NEU3: variants seen among roughly 807,000 people sequenced by gnomAD.
NEU3 encodes the protein sialidase-3.
A neutral mutation model predicts 11.4 loss-of-function variants in NEU3; 10 were observed. The observed-to-expected ratio is 0.88, with a 90% CI of 0.54 to 1.49. The LOEUF (loss-of-function observed/expected upper bound fraction) is 1.49, where lower values mean the gene tolerates loss of function less well. Among genes scored for constraint, NEU3 ranks in the 40% most tolerant of loss-of-function variants. NEU3 has a pLI of 0.00. For synonymous variants in NEU3, 212 were observed against 228.2 expected, an observed-to-expected ratio of 0.93 and a Z score of 0.64; for missense variants, 529 against 581.8, an observed-to-expected ratio of 0.91 and a Z score of 0.93.
intron 3 of NEU3, among the ~76,000 whole-genome samples, chr11:75,018,176 T>A (rs995201695): frequency 7.9e-5 from 12 of 151,960 alleles, no homozygotes; most frequent in African/African-American, 2.9e-4. Flanking sequence ...AACTCTCACC[T>A]CTTAGCTTAT....
rs111517032 is a variant in NEU3 at position 75,001,920 on chromosome 11, TC to T, written c.307-3490del. Among the ~76,000 whole-genome samples the T allele has an allele frequency of 4.6e-3, 702 of 152,346 alleles. 2 individuals are homozygous for T. Among genetic ancestry groups the T allele is most frequent in the Non-Finnish European group, 6.7e-3 (455 of 68,036 alleles). ...GGGCACTCAGGTATAGAATGGGCTG[TC>T]CCAGAGATCTTGAATTCCCTGTTGA... is the stretch of plus-strand genomic sequence containing the variant. On this transcript the variant is annotated intron_variant, in intron 2 of 2. Coordinates refer to ENST00000294064, the MANE Select transcript of NEU3 (RefSeq NM_006656.6).
In NEU3 at chr11:75,005,487, G is replaced by A. The variant is rs539550282; in HGVS notation, c.381G>A (p.Glu127=). Reference sequence around the variant, plus strand: ...CCATGAACCCCTGTCCTGTATGGGAGCAGAAGAGTGGTTGTGTGTTCCTGT... The same window carrying A: ...CCATGAACCCCTGTCCTGTATGGGAACAGAAGAGTGGTTGTGTGTTCCTGT... ...HRTMNPCPVW[E]QKSGCVFLFF... Residue 127 remains glutamate, a synonymous_variant, in exon 3 of 3, where the codon GAG becomes GAA. Transcript: ENST00000294064. 19 of 1,613,930 alleles carry A rather than the reference G, an allele frequency of 1.2e-5. No individual in the cohort carries two copies. In the South Asian group the frequency reaches 2.0e-4, roughly 17 times the overall value.
intron 2 of NEU3, among the ~76,000 whole-genome samples, chr11:74,995,495 A>G (rs1205895697): frequency 2.0e-5 from 3 of 152,160 alleles, no homozygotes; most frequent in African/African-American, 7.2e-5. Context: ...CATACGTCGG[A>G]GATATTGTGG....
At chr11:74,986,022 A>G (rs185117713), upstream of NEU3, among the ~76,000 whole-genome samples, 27 of 152,256 alleles carry the variant, frequency 1.8e-4, no homozygotes, top group East Asian at 5.0e-3. Flanking sequence ...AAAAACACCA[A>G]CCTTGCAAGC....
At chr11:74,987,347 C>A (rs546243057), upstream of NEU3, among the ~76,000 whole-genome samples, 23 of 152,256 alleles carry the variant, frequency 1.5e-4, no homozygotes, top group Middle Eastern at 3.4e-3. Flanking sequence ...CCAGTGGAAT[C>A]ACCTTCAAAT....
downstream of NEU3, among the ~76,000 whole-genome samples, chr11:75,011,607 T>A (rs1458557751): frequency 6.6e-6 from 1 of 152,166 alleles, no homozygotes; most frequent in East Asian, 1.9e-4. Flanking sequence ...CTGATAAGGG[T>A]TGAGAGGCGG....
chr11:75,005,617 T>C lies in NEU3; in HGVS notation c.511T>C (p.Trp171Arg). 3.1e-6 allele frequency: 5 copies of C among 1,613,990 alleles called. No homozygotes were observed. The highest frequency in any genetic ancestry group is 4.2e-6 in the Non-Finnish European group (5 of 1,179,884). Residue 171 changes from tryptophan to arginine, a missense_variant, in exon 3 of 3, where the codon TGG becomes CGG. Coordinates refer to ENST00000294064, the MANE Select transcript of NEU3 (RefSeq NM_006656.6). The part of the protein sequence containing the change: ...FIYSQDAGCS[W>R]SEVRDLTEEV... Reference sequence around the variant, plus strand: ...CTACAGTCAGGATGCTGGATGTTCATGGAGTGAGGTGAGGGACTTGACTGA... The same window carrying C: ...CTACAGTCAGGATGCTGGATGTTCACGGAGTGAGGTGAGGGACTTGACTGA...
chr11:75,017,076 T>C (rs1565500816), intron 3 of NEU3, among the ~76,000 whole-genome samples: 1 of 152,208 alleles, frequency 6.6e-6, no homozygotes, highest in African/African-American at 2.4e-5. Flanking sequence ...GAAAGATAAA[T>C]CTTGAGGCCA....
downstream of NEU3, among the ~76,000 whole-genome samples, chr11:75,019,294 G>A (rs562838667): frequency 6.6e-6 from 1 of 152,372 alleles, no homozygotes; most frequent in East Asian, 1.9e-4. Context: ...TGGGGAAAAT[G>A]TCTCCAGGGC....
At chr11:74,992,688 G>A (rs1403424756) in intron 1 of NEU3, among the ~76,000 whole-genome samples, 1 of 152,134 alleles carries the variant, frequency 6.6e-6, no homozygotes, top group Non-Finnish European at 1.5e-5. Context: ...GGCCGGGCAC[G>A]GTGGCTCATG....
At chr11:74,982,731 C>T in the NEU3 span, among the ~76,000 whole-genome samples, 1 of 152,034 alleles carries the variant, frequency 6.6e-6, no homozygotes, top group Non-Finnish European at 1.5e-5. Flanking sequence ...TCTACAATAG[C>T]ATGCAGGAGA....
chr11:74,989,199 A>G (rs1948704278), intron 1 of NEU3, 45 bp downstream of exon 1: 2 of 1,461,676 alleles, frequency 1.4e-6, no homozygotes, highest in Non-Finnish European at 9.4e-7. Context: ...GGAGGACTCA[A>G]CTGTGGGGAC....
chr11:74,992,210 CTGGTGCCTTGATCTGGA>C (rs1948739812), intron 1 of NEU3, among the ~76,000 whole-genome samples: 1 of 152,216 alleles, frequency 6.6e-6, no homozygotes, highest in Admixed American at 6.5e-5. Flanking sequence ...AAATCCTTCT[CTGGTGCCTTGATCTGGA>C]TAGATGCCAC....
intron 3 of NEU3, among the ~76,000 whole-genome samples, chr11:75,016,934 A>C (rs2140260261): frequency 6.6e-6 from 1 of 152,332 alleles, no homozygotes; most frequent in South Asian, 2.1e-4. Flanking sequence ...CTAGCCTGGC[A>C]TCTGCTGTGT....
intron 2 of NEU3, among the ~76,000 whole-genome samples, chr11:75,001,207 A>G (rs1416272918): frequency 6.6e-6 from 1 of 150,910 alleles, no homozygotes. Flanking sequence ...TTTCCCCATT[A>G]ATTAGTGATG....
At chr11:75,003,172 C>T (rs1948863136) in intron 2 of NEU3, among the ~76,000 whole-genome samples, 1 of 152,166 alleles carries the variant, frequency 6.6e-6, no homozygotes, top group Non-Finnish European at 1.5e-5. Context: ...TGTTCTGCCT[C>T]AGTTCCATCC....
chr11:75,003,923 C>T (rs1003866451), intron 2 of NEU3, among the ~76,000 whole-genome samples: 2 of 152,050 alleles, frequency 1.3e-5, no homozygotes, highest in Non-Finnish European at 1.5e-5. Context: ...TTCCATATCA[C>T]TATATATGGA....
chr11:75,018,554 A>G (rs1349836834), intron 3 of NEU3: 3 of 152,150 alleles, frequency 2.0e-5, no homozygotes, highest in African/African-American at 7.2e-5. Context: ...TCAGACTCCA[A>G]GTTCTTCAGT....
intron 2 of NEU3, among the ~76,000 whole-genome samples, chr11:75,003,641 G>A (rs908853817): frequency 2.0e-5 from 3 of 152,102 alleles, no homozygotes; most frequent in Non-Finnish European, 4.4e-5. Context: ...TGTAATCCCA[G>A]CATTTTGAGA....
Sources: gnomAD v4.1 joint callset for allele counts (sites outside exome capture counted in the v4.1 genomes callset) on GRCh38, gnomAD v4.1.1 for gene constraint, MANE v1.5 for transcripts, NCBI Gene and HGNC (gene_info 2026-07-23, HGNC 2026-07-21) for gene names.